Variants in CRKL observed in about 807,000 individuals in gnomAD.
The protein encoded by CRKL is crk-like protein.
In CRKL, 3 loss-of-function variants were observed where a neutral mutation model predicts 23.0. The ratio of observed to expected loss-of-function variants is 0.13; its 90% CI spans 0.06 to 0.34. The LOEUF is 0.34. CRKL is among the 10% of genes least tolerant of loss of function. The pLI, the probability that CRKL is intolerant of heterozygous loss-of-function variation, is 1.00. For synonymous variants in CRKL, 188 were observed against 160.7 expected (o/e 1.17, Z -1.28); for missense variants, 256 against 394.5 (o/e 0.65, Z 2.97).
At chr22:20,930,626 C>T (rs1921409410) in intron 1 of CRKL, among the ~76,000 whole-genome samples, 1 of 150,588 alleles carries the variant, frequency 6.6e-6, no homozygotes, top group Admixed American at 6.6e-5. Flanking sequence ...AAGTGATCCT[C>T]CCGCCTCGGC....
chr22:20,942,757 G>A (rs759872898), intron 2 of CRKL, among the ~76,000 whole-genome samples: 29 of 152,064 alleles, frequency 1.9e-4, no homozygotes, highest in Non-Finnish European at 3.5e-4. Flanking sequence ...GAGTAGCTGG[G>A]ATTATAGGCA....
intron 1 of CRKL, among the ~76,000 whole-genome samples, chr22:20,929,972 A>T (rs372271932): frequency 3.3e-5 from 5 of 152,312 alleles, no homozygotes; most frequent in South Asian, 4.1e-4. Context: ...GGGGAGTTTG[A>T]TGAATAAATG....
chr22:20,918,346 CGCAT>C, intron 1 of CRKL, 101 bp downstream of exon 1: 1 of 1,326,718 alleles, frequency 7.5e-7, no homozygotes, highest in Non-Finnish European at 1.0e-6. Flanking sequence ...CCATATTCCC[CGCAT>C]TCTGAACCAA....
intron 2 of CRKL, among the ~76,000 whole-genome samples, chr22:20,949,478 T>G (rs995823038): frequency 3.3e-5 from 5 of 152,198 alleles, no homozygotes; most frequent in Admixed American, 3.3e-4. Context: ...GGTGCACGCC[T>G]GTAGTCACAG....
At position 20,945,095 on chromosome 22, in the gene CRKL, G is replaced by A. The variant is rs551025721; in HGVS notation, c.778-4616G>A. On this transcript the variant is annotated intron_variant, in intron 2 of 2. Transcript: ENST00000354336. The stretch of plus-strand genomic sequence containing the variant: ...TGCAAGCGCCACCTCCCGGGTGCAC[G>A]CCATTCTCCTGACTCAGCCTCCCAA... 9.9e-5 allele frequency among the ~76,000 whole-genome samples: 15 copies of A among 151,510 alleles called. No homozygotes were observed. In the East Asian group the frequency reaches 2.0e-3, roughly 20 times the overall value.
At chr22:20,942,155 T>A (rs1921905943) in intron 2 of CRKL, among the ~76,000 whole-genome samples, 1 of 152,258 alleles carries the variant, frequency 6.6e-6, no homozygotes, top group Non-Finnish European at 1.5e-5. Flanking sequence ...ACCTACCTGA[T>A]ATAAGTAAAA....
chr22:20,941,588 A>ATATATT (rs1247116681), intron 2 of CRKL, among the ~76,000 whole-genome samples: 4 of 33,550 alleles, frequency 1.2e-4, no homozygotes, highest in African/African-American at 4.8e-4. Flanking sequence ...GTATATATAT[A>ATATATT]TTTTTTTTTT....
At chr22:20,925,174 G>A (rs569297029) in intron 1 of CRKL, among the ~76,000 whole-genome samples, 167 of 124,160 alleles carry the variant, frequency 1.3e-3, no homozygotes, top group African/African-American at 4.7e-3. Context: ...CCAACAGAGC[G>A]AGACTCCGTC....
rs895488034 is a variant in CRKL at position 20,950,319 on chromosome 22, A to G, written c.*474A>G. ...AGAGAGAATTCTGTTCTAAAACTCC[A>G]AAATCTGGCTTTTTTTTTTCTTTTG... On this transcript the variant is annotated 3_prime_UTR_variant, in exon 3 of 3. Coordinates refer to ENST00000354336, the MANE Select transcript of CRKL (RefSeq NM_005207.4). 90 of 189,404 alleles carry G rather than the reference A, an allele frequency of 4.8e-4. No homozygotes were observed. The highest frequency in any genetic ancestry group is 8.2e-4 in the Non-Finnish European group (83 of 100,822). 11.7% of individuals were successfully genotyped at this position (189,404 alleles called of 1,614,324 possible).
At chr22:20,937,157 T>C (rs1341221365) in intron 2 of CRKL, among the ~76,000 whole-genome samples, 4 of 152,210 alleles carry the variant, frequency 2.6e-5, no homozygotes, top group Admixed American at 2.6e-4. Flanking sequence ...TGGCCAGGCC[T>C]TCCAGCTTTC....
chr22:20,918,414 C>T (rs1321605676), intron 1 of CRKL, among the ~76,000 whole-genome samples, 169 bp downstream of exon 1: 1 of 129,146 alleles, frequency 7.7e-6, no homozygotes, highest in African/African-American at 3.0e-5. Context: ...ATCTGGGTCA[C>T]TGGATAAGAG....
chr22:20,931,901 T>C (rs1921468167), intron 1 of CRKL, among the ~76,000 whole-genome samples: 1 of 152,160 alleles, frequency 6.6e-6, no homozygotes, highest in African/African-American at 2.4e-5. Context: ...AAGCTCCGCC[T>C]CCCGGGCTCA....
chr22:20,931,404 C>G (rs1921447804), intron 1 of CRKL, among the ~76,000 whole-genome samples: 2 of 151,838 alleles, frequency 1.3e-5, no homozygotes, highest in African/African-American at 4.8e-5. Context: ...AAGACCCTGT[C>G]TCAAAAAAAA....
rs1922335433 is a variant in CRKL, at chr22:20,953,041, G to C, written c.*3196G>C. 4.3e-6 allele frequency: 1 copy of C among 232,268 alleles called. No homozygotes were observed. The highest frequency in any genetic ancestry group is 2.2e-5 in the African/African-American group (1 of 45,248). 14.4% of individuals were successfully genotyped at this position (232,268 alleles called of 1,614,324 possible). On this transcript the variant is annotated 3_prime_UTR_variant, in exon 3 of 3. Coordinates refer to ENST00000354336, the MANE Select transcript of CRKL (RefSeq NM_005207.4). ...AGCTGTTTACAGACAAGGCAGGCCT[G>C]AGGCAGATGGCCACTGCTCTTGTGA...
chr22:20,943,223 T>C (rs1278956691), intron 2 of CRKL, among the ~76,000 whole-genome samples: 1 of 152,016 alleles, frequency 6.6e-6, no homozygotes. Context: ...TATTTGAGCG[T>C]TTTTGTTTTT....
intron 1 of CRKL, among the ~76,000 whole-genome samples, chr22:20,932,302 G>A (rs1168356420): frequency 6.6e-6 from 1 of 152,028 alleles, no homozygotes; most frequent in Non-Finnish European, 1.5e-5. Context: ...TAGAGACAGG[G>A]TTTTGATATG....
At chr22:20,921,908 C>T (rs1921006283) in intron 1 of CRKL, among the ~76,000 whole-genome samples, 1 of 150,938 alleles carries the variant, frequency 6.6e-6, no homozygotes, top group Non-Finnish European at 1.5e-5. Context: ...CGGGGTTTCA[C>T]CATGTTAGCC....
At chr22:20,941,538 A>ATGTGTGTGTGTGTGTGTG (rs1187984983) in intron 2 of CRKL, among the ~76,000 whole-genome samples, 1 of 50,436 alleles carries the variant, frequency 2.0e-5, no homozygotes. Flanking sequence ...TATATATTTT[A>ATGTGTGTGTGTGTGTGTG]TGTGTGTGTG....
intron 1 of CRKL, among the ~76,000 whole-genome samples, chr22:20,921,771 C>T (rs566285339): frequency 2.0e-5 from 3 of 150,614 alleles, no homozygotes; most frequent in Admixed American, 6.6e-5. Flanking sequence ...CTGGAGTGTG[C>T]GATCTCGGCT....
Sources: allele counts gnomAD v4.1 joint callset (sites outside exome capture counted in the v4.1 genomes callset), GRCh38; gene constraint gnomAD v4.1.1; transcripts MANE v1.5; gene names NCBI Gene and HGNC (gene_info 2026-07-23, HGNC 2026-07-21).